The following EIPR1 variants were observed in gnomAD, a reference collection of about 807,000 sequenced individuals.
EIPR1 encodes the protein EARP complex and GARP complex interacting protein 1, also known as EARP and GARP complex-interacting protein 1.
In EIPR1, 25 loss-of-function variants were observed where a neutral mutation model predicts 48.1. The observed-to-expected ratio is 0.52, with a 90% CI of 0.38 to 0.73. EIPR1 has a LOEUF of 0.73. Ranked by LOEUF, EIPR1 falls within the 30% of genes least tolerant of loss-of-function variation. EIPR1 has a pLI of 0.00. For synonymous variants in EIPR1, 204 were observed against 201.9 expected (o/e 1.01, Z -0.09); for missense variants, 415 against 506.2 (o/e 0.82, Z 1.73).
intron 4 of EIPR1, chr2:3,214,476 GC>G (rs577725806): frequency 1.9e-5 from 8 of 424,728 alleles, no homozygotes; most frequent in South Asian, 1.5e-4. Flanking sequence ...GGAAGTCCTA[GC>G]CCCCCACCTG....
chr2:3,356,299 A>G (rs956974314), intron 1 of EIPR1, among the ~76,000 whole-genome samples: 2 of 152,242 alleles, frequency 1.3e-5, no homozygotes, highest in African/African-American at 4.8e-5. Context: ...GAGAGCTATC[A>G]GCCCCCAGCA....
At chr2:3,243,203 A>G (rs2602757) in intron 4 of EIPR1, among the ~76,000 whole-genome samples, 97,738 of 152,244 alleles carry the variant, frequency 0.64, 31,740 homozygotes, top group East Asian at 0.79. Flanking sequence ...TACGGGCTGC[A>G]CATGAGGGGA....
intron 3 of EIPR1, among the ~76,000 whole-genome samples, chr2:3,327,072 G>A (rs1669720046): frequency 6.6e-6 from 1 of 152,364 alleles, no homozygotes; most frequent in Admixed American, 6.5e-5. Context: ...AGGGAGACAA[G>A]TGCTCTGGCA....
intron 2 of EIPR1, 33 bp downstream of exon 2, chr2:3,354,517 A>G: frequency 6.3e-7 from 1 of 1,590,248 alleles, no homozygotes; most frequent in Non-Finnish European, 8.6e-7. Context: ...AGGCTTAGTA[A>G]TTATCATGTA....
chr2:3,197,957 T>C (rs2103110229), intron 5 of EIPR1, among the ~76,000 whole-genome samples: 1 of 152,272 alleles, frequency 6.6e-6, no homozygotes, highest in South Asian at 2.1e-4. Flanking sequence ...AGAGGCCCAA[T>C]GACCGAGCTG....
chr2:3,281,441 T>C (rs1333577563), intron 3 of EIPR1, among the ~76,000 whole-genome samples: 1 of 152,054 alleles, frequency 6.6e-6, no homozygotes, highest in Non-Finnish European at 1.5e-5. Context: ...TACTTACATC[T>C]GTTTCATGAA....
chr2:3,192,348 G>A (rs770371939), intron 8 of EIPR1, 66 bp downstream of exon 8: 116 of 1,481,282 alleles, frequency 7.8e-5, no homozygotes, highest in Admixed American at 5.2e-4. Context: ...AGCCTGGCTC[G>A]GGAGATGGCT....
Position 3,189,430 on chromosome 2 carries a change from G to A in EIPR1, c.1068C>T (p.Ser356=). 2 of 1,597,634 alleles carry A rather than the reference G, an allele frequency of 1.3e-6. No homozygotes were observed. The highest frequency in any genetic ancestry group is 2.7e-5 in the African/African-American group (2 of 74,924). ...AGGCAAACAGCCACGGGTCAGCCGAGGACCAGTCCACGGCATAGACGCTGT... is the reference window on the plus strand; with the variant it reads ...AGGCAAACAGCCACGGGTCAGCCGAAGACCAGTCCACGGCATAGACGCTGT... ...HEDSVYAVDW[S]SADPWLFASL... is the part of the protein sequence containing the mutation. Residue 356 remains serine, a synonymous_variant, in exon 9 of 9, where the codon TCC becomes TCT. Transcript: ENST00000382125. The surrounding 1 kb of genome is among the most constrained non-coding windows in gnomAD (Gnocchi z 4.6).
chr2:3,280,099 G>C (rs906387122), intron 3 of EIPR1, among the ~76,000 whole-genome samples: 1 of 152,248 alleles, frequency 6.6e-6, no homozygotes, highest in East Asian at 1.9e-4. Context: ...GAAGAGGAAA[G>C]GGATGTGTTG....
intron 1 of EIPR1, among the ~76,000 whole-genome samples, chr2:3,367,767 G>T (rs1348349863): frequency 6.6e-6 from 1 of 152,112 alleles, no homozygotes; most frequent in Non-Finnish European, 1.5e-5. Context: ...TTAATCTCTC[G>T]GCTGGGTGCG....
intron 2 of EIPR1, chr2:3,353,360 C>T: frequency 2.1e-6 from 1 of 468,658 alleles, no homozygotes; most frequent in South Asian, 1.6e-5. Context: ...TGCTTTTTTA[C>T]ACCACGTTGA....
chr2:3,295,266 C>CT (rs1558280146), intron 3 of EIPR1, among the ~76,000 whole-genome samples: 8 of 103,090 alleles, frequency 7.8e-5, no homozygotes, highest in African/African-American at 1.1e-4. Flanking sequence ...CGTCCTCTCT[C>CT]CACACACACC....
intron 3 of EIPR1, among the ~76,000 whole-genome samples, chr2:3,317,297 C>G (rs546620267): frequency 3.9e-5 from 5 of 127,506 alleles, no homozygotes; most frequent in Non-Finnish European, 6.6e-5. Context: ...CAGGAGCGCA[C>G]GAGGTGCTGA....
intron 3 of EIPR1, among the ~76,000 whole-genome samples, chr2:3,318,512 C>A (rs567793770): frequency 4.9e-4 from 75 of 152,150 alleles, no homozygotes; most frequent in Non-Finnish European, 9.4e-4. Flanking sequence ...ATGATACAAA[C>A]GGGATCTGAA....
At chr2:3,365,047 T>A (rs1670939960) in intron 1 of EIPR1, among the ~76,000 whole-genome samples, 1 of 152,184 alleles carries the variant, frequency 6.6e-6, no homozygotes, top group Admixed American at 6.5e-5. Flanking sequence ...ATACACTGAT[T>A]TGATTTTTAC....
At chr2:3,377,621 G>A in intron 1 of EIPR1, 27 bp downstream of exon 1, 1 of 1,562,486 alleles carries the variant, frequency 6.4e-7, no homozygotes, top group South Asian at 1.2e-5. Context: ...AGGCCGAGCA[G>A]CACCTGCCGC....
intron 3 of EIPR1, among the ~76,000 whole-genome samples, chr2:3,288,969 G>A (rs1482136698): frequency 5.9e-5 from 9 of 152,222 alleles, no homozygotes; most frequent in Non-Finnish European, 1.3e-4. Context: ...CCCGCACACA[G>A]CCTCCAAGTG....
intron 2 of EIPR1, among the ~76,000 whole-genome samples, chr2:3,351,401 G>A (rs971469432): frequency 4.6e-5 from 7 of 152,288 alleles, no homozygotes; most frequent in Middle Eastern, 3.4e-3. Context: ...CTAAGAGCAG[G>A]TACACAGTAA....
intron 3 of EIPR1, among the ~76,000 whole-genome samples, chr2:3,258,722 T>G (rs962249445): frequency 9.2e-5 from 14 of 152,180 alleles, no homozygotes; most frequent in African/African-American, 2.7e-4. Flanking sequence ...GATTGAATGA[T>G]AAGAAGTTAA....
Sources: gnomAD v4.1 joint callset for allele counts (sites outside exome capture counted in the v4.1 genomes callset) on GRCh38, gnomAD v4.1.1 for gene constraint, Gnocchi (gnomAD v3.1) non-coding constraint, MANE v1.5 for transcripts, NCBI Gene and HGNC (gene_info 2026-07-23, HGNC 2026-07-21) for gene names.